PLCB4: variants seen among roughly 807,000 people sequenced by gnomAD.
PLCB4 encodes the protein phospholipase C beta 4.
PLCB4 carries 77 observed loss-of-function variants against 178.8 expected under a neutral mutation model. That is an observed-to-expected ratio of 0.43 (90% CI 0.36 to 0.52). PLCB4 has a LOEUF of 0.52. PLCB4 is among the 20% of genes least tolerant of loss of function. The pLI, the probability that PLCB4 is intolerant of heterozygous loss-of-function variation, is 0.00. For synonymous variants in PLCB4, 496 were observed against 490.8 expected (o/e 1.01, Z -0.14); for missense variants, 1,024 against 1,453.4 (o/e 0.70, Z 4.80).
At chr20:9,250,125 T>C (rs2094165047) in intron 3 of PLCB4, among the ~76,000 whole-genome samples, 1 of 152,248 alleles carries the variant, frequency 6.6e-6, no homozygotes. Flanking sequence ...TATCCTATTC[T>C]GTCTCACTAT....
chr20:9,174,569 T>C (rs1221310105), intron 2 of PLCB4, among the ~76,000 whole-genome samples: 1 of 152,106 alleles, frequency 6.6e-6, no homozygotes, highest in East Asian at 1.9e-4. Context: ...TCTTCCCTCC[T>C]TGGTCCCTTG....
At chr20:9,202,763 A>G (rs978548084) in intron 2 of PLCB4, among the ~76,000 whole-genome samples, 4 of 152,152 alleles carry the variant, frequency 2.6e-5, no homozygotes, top group African/African-American at 9.7e-5. Context: ...ATAAAAACCA[A>G]ATAGAAATGA....
At chr20:9,473,459 G>C (rs1603096667) in intron 38 of PLCB4, 94 bp downstream of exon 38, 2 of 580,898 alleles carry the variant, frequency 3.4e-6, no homozygotes, top group East Asian at 3.0e-5. Context: ...CTTGCATATT[G>C]TAATTGAAAG....
At chr20:9,116,078 A>G (rs540592561) in intron 2 of PLCB4, among the ~76,000 whole-genome samples, 3 of 152,070 alleles carry the variant, frequency 2.0e-5, no homozygotes, top group South Asian at 4.2e-4. Context: ...GTGAATATAT[A>G]TATATAATTT....
intron 19 of PLCB4, 61 bp downstream of exon 19, chr20:9,395,679 C>T: frequency 1.6e-6 from 2 of 1,227,970 alleles, no homozygotes; most frequent in Non-Finnish European, 2.3e-6. Flanking sequence ...AATAAGAAAA[C>T]CAGGCTGGGC....
At chr20:9,363,152 G>A (rs1296517694) in intron 8 of PLCB4, among the ~76,000 whole-genome samples, 177 bp downstream of exon 8, 6 of 152,198 alleles carry the variant, frequency 3.9e-5, no homozygotes, top group South Asian at 4.1e-4. Flanking sequence ...AGAAAGGCAT[G>A]CATGATAAAC....
chr20:9,133,452 G>A (rs2092318025), intron 2 of PLCB4, among the ~76,000 whole-genome samples: 2 of 31,816 alleles, frequency 6.3e-5, no homozygotes, highest in Admixed American at 8.3e-4. Context: ...ATTTTTACTA[G>A]AGTGGGGTTT....
chr20:9,239,560 A>G (rs1467958288), intron 3 of PLCB4, among the ~76,000 whole-genome samples: 1 of 152,176 alleles, frequency 6.6e-6, no homozygotes, highest in East Asian at 1.9e-4. Context: ...TTTTGTGGAC[A>G]GTTGTGCTCA....
At chr20:9,325,398 C>T (rs1011735851) in intron 4 of PLCB4, among the ~76,000 whole-genome samples, 5 of 152,166 alleles carry the variant, frequency 3.3e-5, no homozygotes, top group Admixed American at 3.3e-4. Context: ...CCACCCACTC[C>T]TCTTGAAAAC....
chr20:9,313,231 C>T (rs1361731441), intron 4 of PLCB4, among the ~76,000 whole-genome samples: 1 of 152,102 alleles, frequency 6.6e-6, no homozygotes, highest in East Asian at 1.9e-4. Context: ...TATAATCAAC[C>T]TATTAGTTTT....
At chr20:9,117,867 G>A (rs780213166) in intron 2 of PLCB4, among the ~76,000 whole-genome samples, 4 of 151,914 alleles carry the variant, frequency 2.6e-5, no homozygotes, top group African/African-American at 9.7e-5. Context: ...GACTTCCGTG[G>A]CTTCCCTTTC....
chr20:9,459,505 T>C, intron 34 of PLCB4, 130 bp from the exon 35 acceptor site: 1 of 557,408 alleles, frequency 1.8e-6, no homozygotes, highest in Non-Finnish European at 3.2e-6. Flanking sequence ...TTTTTGGTGG[T>C]TATAGGTGTC....
intron 4 of PLCB4, among the ~76,000 whole-genome samples, chr20:9,328,629 A>G (rs566971121): frequency 2.0e-5 from 3 of 152,336 alleles, no homozygotes; most frequent in African/African-American, 7.2e-5. Context: ...ACCTGAGCCC[A>G]CTCCTGAACA....
At chr20:9,383,520 T>C (rs1474018340) in intron 13 of PLCB4, among the ~76,000 whole-genome samples, 1 of 152,196 alleles carries the variant, frequency 6.6e-6, no homozygotes, top group Non-Finnish European at 1.5e-5. Flanking sequence ...GTTGCTCCTG[T>C]AGTTACCACG....
At chr20:9,408,434 T>G (rs1200977718) in intron 22 of PLCB4, among the ~76,000 whole-genome samples, 199 bp from the exon 23 acceptor site, 1 of 152,148 alleles carries the variant, frequency 6.6e-6, no homozygotes, top group Non-Finnish European at 1.5e-5. Context: ...TCATCAAAAA[T>G]TCATATTTCG....
intron 34 of PLCB4, 38 bp from the exon 35 acceptor site, chr20:9,459,597 G>A (rs752884322): frequency 1.3e-6 from 2 of 1,522,302 alleles, no homozygotes; most frequent in Non-Finnish European, 1.8e-6. Context: ...CCTGACCTAT[G>A]AGGATTACAA....
At chr20:9,430,021 A>G (rs561984865) in intron 28 of PLCB4, among the ~76,000 whole-genome samples, 16 of 152,210 alleles carry the variant, frequency 1.1e-4, no homozygotes, top group Non-Finnish European at 1.9e-4. Flanking sequence ...TTGAGCCACA[A>G]ATAAAATATA....
At chr20:9,267,181 T>C (rs1250956649) in intron 3 of PLCB4, among the ~76,000 whole-genome samples, 1 of 152,218 alleles carries the variant, frequency 6.6e-6, no homozygotes, top group Non-Finnish European at 1.5e-5. Context: ...CTTCAAATTA[T>C]GAGAAGAAAA....
intron 2 of PLCB4, among the ~76,000 whole-genome samples, chr20:9,178,026 A>G (rs1399030674): frequency 6.6e-6 from 1 of 152,238 alleles, no homozygotes; most frequent in Admixed American, 6.5e-5. Flanking sequence ...TAAATCGTTA[A>G]AAATAATTTT....
Sources: gnomAD v4.1 joint callset for allele counts (sites outside exome capture counted in the v4.1 genomes callset) on GRCh38, gnomAD v4.1.1 for gene constraint, MANE v1.5 for transcripts, NCBI Gene and HGNC (gene_info 2026-07-23, HGNC 2026-07-21) for gene names.